GLYATL1: variants seen among roughly 807,000 people sequenced by gnomAD.
GLYATL1 encodes glycine-N-acyltransferase like 1.
GLYATL1 carries 15 observed loss-of-function variants against 20.0 expected under a neutral mutation model. The ratio of observed to expected loss-of-function variants is 0.75; its 90% confidence interval spans 0.50 to 1.15. The LOEUF (loss-of-function observed/expected upper bound fraction) is 1.15, where lower values mean the gene tolerates loss of function less well. GLYATL1 is among the 50% of genes most tolerant of loss of function. The pLI is 0.00. For missense variants in GLYATL1, 380 were observed against 368.5 expected (o/e 1.03, Z -0.26); for synonymous variants, 151 against 131.5 (o/e 1.15, Z -1.01).
Position 58,956,212 on chromosome 11 carries a change from G to C in GLYATL1, c.*185G>C. On this transcript the variant is annotated 3_prime_UTR_variant, in exon 7 of 7. Coordinates refer to ENST00000532726, the MANE Select transcript of GLYATL1 (RefSeq NM_001389712.2). Reference sequence around the variant, plus strand: ...CTTGAGGAGCTTACAATCCTGGCTGGAGGCAGGGGAGGGTATATTCTTTAA... The same window carrying C: ...CTTGAGGAGCTTACAATCCTGGCTGCAGGCAGGGGAGGGTATATTCTTTAA... The C allele has an allele frequency of 1.6e-6, 1 of 607,502 alleles. No homozygotes were observed. The highest frequency in any genetic ancestry group is 2.9e-6 in the Non-Finnish European group (1 of 348,298). 37.6% of individuals were successfully genotyped at this position (607,502 alleles called of 1,614,324 possible).
intron 1 of GLYATL1, among the ~76,000 whole-genome samples, chr11:58,931,748 A>G (rs530057301): frequency 6.6e-6 from 1 of 152,332 alleles, no homozygotes; most frequent in Admixed American, 6.5e-5. Context: ...ATCAAGAAGA[A>G]ACTCAGAATA....
intron 2 of GLYATL1, among the ~76,000 whole-genome samples, chr11:58,945,222 G>A (rs1379850200): frequency 1.3e-5 from 2 of 151,998 alleles, no homozygotes; most frequent in Admixed American, 1.3e-4. Context: ...GGTTAGTTTT[G>A]TGTTATGTGT....
At chr11:58,914,439 G>C (rs898505108) in intron 1 of GLYATL1, among the ~76,000 whole-genome samples, 1 of 152,186 alleles carries the variant, frequency 6.6e-6, no homozygotes, top group Non-Finnish European at 1.5e-5. Flanking sequence ...CCAAAGACAG[G>C]TCTTTTTGGT....
intron 4 of GLYATL1, among the ~76,000 whole-genome samples, chr11:58,949,665 A>G (rs926805281): frequency 3.3e-5 from 5 of 152,038 alleles, no homozygotes; most frequent in Non-Finnish European, 7.4e-5. Context: ...AAAGTCCCAC[A>G]CCACACATAT....
rs774674869 is a variant in GLYATL1 at position 58,947,026 on chromosome 11, T to C, written c.-42-20T>C. 6.3e-7 allele frequency: 1 copy of C among 1,583,808 alleles called. No homozygotes were observed. The highest frequency in any genetic ancestry group is 8.7e-7 in the Non-Finnish European group (1 of 1,152,346). On this transcript the variant is annotated intron_variant, in intron 2 of 6. Coordinates refer to ENST00000532726, the MANE Select transcript of GLYATL1 (RefSeq NM_001389712.2). Reference sequence around the variant, plus strand: ...TCATTTGTTTCCTTAACATTTTCCCTTCATTTCTTATCTTTTCAGAGTTTC... The same window carrying C: ...TCATTTGTTTCCTTAACATTTTCCCCTCATTTCTTATCTTTTCAGAGTTTC...
intron 1 of GLYATL1, chr11:58,943,238 A>C: frequency 6.7e-7 from 1 of 1,498,124 alleles, no homozygotes. Context: ...GTGCACCTGT[A>C]ACAATACTCC....
At chr11:58,923,570 T>C (rs149020150), upstream of GLYATL1, among the ~76,000 whole-genome samples, 2 of 152,318 alleles carry the variant, frequency 1.3e-5, no homozygotes, top group Non-Finnish European at 2.9e-5. Context: ...CTTTTGTTAC[T>C]TGATTGTGGA....
chr11:58,907,634 C>T (rs1854933402), exon 2 of GLYATL1: 2 of 252,572 alleles, frequency 7.9e-6, no homozygotes, highest in South Asian at 4.8e-5. Flanking sequence ...ACTGATGTTT[C>T]TAGTCATTGT....
At chr11:58,947,653 A>T (rs1046221678) in intron 3 of GLYATL1, 4 of 570,436 alleles carry the variant, frequency 7.0e-6, no homozygotes, top group Non-Finnish European at 1.3e-5. Context: ...TATCACAAGG[A>T]CAGTCCTACC....
chr11:58,937,776 A>G (rs145552258), upstream of GLYATL1, among the ~76,000 whole-genome samples: 169 of 152,320 alleles, frequency 1.1e-3, 1 homozygote, highest in East Asian at 0.03. Context: ...CAGCTATCAG[A>G]TGTCTTCCAA....
At chr11:58,907,091 A>G in intron 1 of GLYATL1, 1 of 301,958 alleles carries the variant, frequency 3.3e-6, no homozygotes, top group Non-Finnish European at 6.7e-6. Context: ...GGGTTGGAGG[A>G]AAGTTACACC....
chr11:58,907,171 A>G (rs950681826), intron 1 of GLYATL1: 2 of 447,580 alleles, frequency 4.5e-6, no homozygotes, highest in Non-Finnish European at 4.5e-6. Flanking sequence ...ATCAGTACAC[A>G]GTTGAATACT....
upstream of GLYATL1, among the ~76,000 whole-genome samples, chr11:58,939,280 C>CT (rs1420334049): frequency 6.6e-6 from 1 of 152,180 alleles, no homozygotes; most frequent in Non-Finnish European, 1.5e-5. Flanking sequence ...CATTTCTTCA[C>CT]TGCTATGAAA....
chr11:58,948,656 C>CA (rs35288916), intron 4 of GLYATL1, among the ~76,000 whole-genome samples: 23,178 of 148,196 alleles, frequency 0.16, 1,917 homozygotes, highest in East Asian at 0.32. Context: ...TTTTGTTTTT[C>CA]AAAAAAAAAA....
At chr11:58,912,443 C>T (rs78099239), downstream of GLYATL1, among the ~76,000 whole-genome samples, 8,155 of 152,244 alleles carry the variant, frequency 0.054, 327 homozygotes, top group East Asian at 0.17. Flanking sequence ...TGACCAGAAA[C>T]CCTTGCTTCC....
upstream of GLYATL1, among the ~76,000 whole-genome samples, chr11:58,938,444 C>T (rs1013185563): frequency 6.6e-6 from 1 of 152,174 alleles, no homozygotes; most frequent in Non-Finnish European, 1.5e-5. Context: ...ATGAGCATAA[C>T]CTCAGCACCT....
At chr11:58,941,409 A>G (rs926944952) in intron 1 of GLYATL1, among the ~76,000 whole-genome samples, 1 of 152,066 alleles carries the variant, frequency 6.6e-6, no homozygotes, top group Non-Finnish European at 1.5e-5. Flanking sequence ...CATGGTGTAT[A>G]TATGTGCCAC....
chr11:58,955,996 C>T lies in GLYATL1; in HGVS notation c.878C>T (p.Thr293Ile), dbSNP rs189235598. 4.3e-6 allele frequency: 7 copies of T among 1,612,478 alleles called. No individual in the cohort carries two copies. In the East Asian group the frequency reaches 1.6e-4, roughly 36 times the overall value. ...FEASCEWHQW[T>I]CYPQNLVPF The stretch of plus-strand genomic sequence containing the variant: ...GCCTCCTGTGAGTGGCACCAATGGA[C>T]TTGCTACCCACAGAATCTAGTTCCA... The change falls in exon 7 of 7, where the codon ACT becomes ATT. Residue 293 changes from threonine (T) to isoleucine (I), a missense_variant. By Grantham distance (89) the Thr-to-Ile change is moderately conservative. Coordinates refer to ENST00000532726, the MANE Select transcript of GLYATL1 (RefSeq NM_001389712.2).
intron 1 of GLYATL1, among the ~76,000 whole-genome samples, chr11:58,930,663 T>C (rs1855564608): frequency 1.3e-5 from 2 of 152,168 alleles, no homozygotes. Context: ...TAGAAATAAA[T>C]GTAAAAATGA....
Sources: allele counts gnomAD v4.1 joint callset (sites outside exome capture counted in the v4.1 genomes callset), GRCh38; gene constraint gnomAD v4.1.1; transcripts MANE v1.5; gene names NCBI Gene and HGNC (gene_info 2026-07-23, HGNC 2026-07-21).